The following FRMD5 variants were observed in gnomAD, a reference collection of about 807,000 sequenced individuals.
FRMD5 encodes the protein FERM domain containing 5.
In FRMD5, 20 loss-of-function variants were observed where a neutral mutation model predicts 69.0. The ratio of observed to expected loss-of-function variants is 0.29; its 90% CI spans 0.20 to 0.42. FRMD5 has a LOEUF of 0.42. Ranked by LOEUF, FRMD5 falls within the 10% of genes least tolerant of loss-of-function variation. FRMD5 has a pLI of 1.00. For synonymous variants in FRMD5, 271 were observed against 260.1 expected (o/e 1.04, Z -0.40); for missense variants, 595 against 708.6 (o/e 0.84, Z 1.82).
intron 1 of FRMD5, among the ~76,000 whole-genome samples, chr15:43,945,070 T>G (rs2089923627): frequency 6.6e-6 from 1 of 151,992 alleles, no homozygotes; most frequent in Non-Finnish European, 1.5e-5. Flanking sequence ...TACAGGCATG[T>G]GCCATAGCGC....
intron 1 of FRMD5, among the ~76,000 whole-genome samples, chr15:43,949,151 G>C (rs1224236658): frequency 1.3e-5 from 2 of 152,176 alleles, no homozygotes; most frequent in Non-Finnish European, 2.9e-5. Flanking sequence ...GGACACCTCA[G>C]GCACCCAAAC....
intron 1 of FRMD5, among the ~76,000 whole-genome samples, chr15:44,077,423 T>C (rs892222552): frequency 7.9e-5 from 12 of 152,122 alleles, no homozygotes; most frequent in East Asian, 3.9e-4. Flanking sequence ...TTCAACTGCA[T>C]TGTCAAAAAA....
chr15:43,943,193 G>A (rs577102035), intron 1 of FRMD5, among the ~76,000 whole-genome samples: 65 of 152,280 alleles, frequency 4.3e-4, no homozygotes, highest in African/African-American at 1.6e-3. Flanking sequence ...AGTTAGCCGA[G>A]ATTGTGCCAT....
intron 1 of FRMD5, among the ~76,000 whole-genome samples, chr15:44,171,292 T>C (rs1414077405): frequency 2.0e-5 from 3 of 152,204 alleles, no homozygotes; most frequent in Non-Finnish European, 4.4e-5. Flanking sequence ...ATTGTTACCA[T>C]AACTATGTCT....
At chr15:44,008,052 T>C (rs1303433037) in intron 1 of FRMD5, among the ~76,000 whole-genome samples, 1 of 151,200 alleles carries the variant, frequency 6.6e-6, no homozygotes, top group African/African-American at 2.4e-5. Flanking sequence ...AGTGATTCTC[T>C]CACTTCAGCC....
Position 44,054,345 on chromosome 15 carries a change from G to A in FRMD5, c.103-130036C>T, listed in dbSNP as rs533376458. Reference sequence around the variant, plus strand: ...CCTATTATCTTCCCTGCAATCGTCCGCTCTCCAGAGCCATTTGGAACAACT... The same window carrying A: ...CCTATTATCTTCCCTGCAATCGTCCACTCTCCAGAGCCATTTGGAACAACT... On this transcript the variant is annotated intron_variant, in intron 1 of 13. Transcript: ENST00000417257. Among the ~76,000 whole-genome samples the A allele has an allele frequency of 7.9e-5, 12 of 152,226 alleles. No individual in the cohort carries two copies. The East Asian group carries it at 1.5e-3, about 20-fold the overall frequency.
intron 1 of FRMD5, among the ~76,000 whole-genome samples, chr15:44,114,953 T>C (rs1443920017): frequency 6.6e-6 from 1 of 152,160 alleles, no homozygotes; most frequent in African/African-American, 2.4e-5. Flanking sequence ...GACCCAAAGT[T>C]GTTAAATCTT....
chr15:44,173,665 C>G (rs1038373036), intron 1 of FRMD5, among the ~76,000 whole-genome samples: 2 of 152,078 alleles, frequency 1.3e-5, no homozygotes, highest in Non-Finnish European at 2.9e-5. Context: ...CATGTGCCAT[C>G]ATGCCTGGCT....
intron 8 of FRMD5, among the ~76,000 whole-genome samples, chr15:43,890,161 G>A (rs7167492): frequency 0.028 from 4,186 of 152,150 alleles, 198 homozygotes; most frequent in African/African-American, 0.096. Context: ...TACACACACA[G>A]TACAATAATG....
chr15:44,156,989 G>A (rs1166606971), intron 1 of FRMD5, among the ~76,000 whole-genome samples: 1 of 152,094 alleles, frequency 6.6e-6, no homozygotes, highest in East Asian at 1.9e-4. Context: ...GAACAGGCAA[G>A]CTGGGAATTG....
intron 1 of FRMD5, among the ~76,000 whole-genome samples, chr15:44,040,895 A>C (rs564769692): frequency 6.6e-6 from 1 of 151,062 alleles, no homozygotes; most frequent in South Asian, 2.1e-4. Flanking sequence ...GTCAAGACCC[A>C]TCAGTGTGCT....
intron 1 of FRMD5, among the ~76,000 whole-genome samples, chr15:44,037,572 A>G (rs1051667614): frequency 2.7e-5 from 4 of 150,662 alleles, no homozygotes; most frequent in African/African-American, 7.3e-5. Context: ...GGTTCGAGCA[A>G]TTCTCCTGCC....
At chr15:43,932,225 T>G (rs748682504) in intron 1 of FRMD5, among the ~76,000 whole-genome samples, 1 of 152,196 alleles carries the variant, frequency 6.6e-6, no homozygotes, top group African/African-American at 2.4e-5. Context: ...GTCAATGCAC[T>G]CAAGGAACAG....
At position 44,153,281 on chromosome 15, in the gene FRMD5, A is replaced by G. The variant is rs575750222; in HGVS notation, c.102+41672T>C. 3.9e-4 allele frequency among the ~76,000 whole-genome samples: 60 copies of G among 152,356 alleles called. No homozygotes were observed. In the South Asian group the frequency reaches 0.012, roughly 30 times the overall value. On this transcript the variant is annotated intron_variant, in intron 1 of 13. Transcript: ENST00000417257. ...CTTGTATATCCATGTTCACAGCAGC[A>G]TTATTCACAATAGCTAAAATGTAGA...
chr15:44,131,919 C>T (rs1041845654), intron 1 of FRMD5, among the ~76,000 whole-genome samples: 16 of 148,704 alleles, frequency 1.1e-4, no homozygotes, highest in African/African-American at 2.2e-4. Flanking sequence ...AAGTGCTTTA[C>T]ATTTATTGTG....
rs150417074 is a variant in FRMD5 at position 44,035,775 on chromosome 15, T to A, written c.103-111466A>T. On this transcript the variant is annotated intron_variant, in intron 1 of 13. Transcript: ENST00000417257. ...CCTGAGCAGTGTTGATCCCATTTTTTAAAAATCTATGTTTTATATTTTATG... is the reference window on the plus strand; with the variant it reads ...CCTGAGCAGTGTTGATCCCATTTTTAAAAAATCTATGTTTTATATTTTATG... 4.0e-3 allele frequency among the ~76,000 whole-genome samples: 605 copies of A among 152,316 alleles called. 9 individuals are homozygous for A. The highest frequency in any genetic ancestry group is 0.013 in the African/African-American group (553 of 41,566).
At chr15:43,896,134 G>T (rs2088905817) in intron 7 of FRMD5, among the ~76,000 whole-genome samples, 1 of 152,132 alleles carries the variant, frequency 6.6e-6, no homozygotes, top group Non-Finnish European at 1.5e-5. Context: ...AACAAACTAG[G>T]GTCCTGATAG....
intron 1 of FRMD5, among the ~76,000 whole-genome samples, chr15:44,042,369 T>C (rs771473137): frequency 6.6e-5 from 10 of 152,200 alleles, no homozygotes; most frequent in African/African-American, 2.4e-4. Flanking sequence ...GCTGGTACCA[T>C]TGCTTCTGAA....
intron 1 of FRMD5, among the ~76,000 whole-genome samples, chr15:44,170,494 G>A (rs1422520864): frequency 2.6e-5 from 4 of 151,548 alleles, no homozygotes; most frequent in Admixed American, 2.6e-4. Context: ...CTGCTCTCCA[G>A]CCTGGGCAAC....
Sources: gnomAD v4.1 joint callset for allele counts (sites outside exome capture counted in the v4.1 genomes callset) on GRCh38, gnomAD v4.1.1 for gene constraint, MANE v1.5 for transcripts, NCBI Gene and HGNC (gene_info 2026-07-23, HGNC 2026-07-21) for gene names.